UNC80: variants seen among roughly 807,000 people sequenced by gnomAD.
UNC80 encodes the protein protein unc-80 homolog.
In UNC80, 164 loss-of-function variants were observed where a neutral mutation model predicts 384.6. The observed-to-expected ratio is 0.43, with a 90% CI of 0.38 to 0.49. UNC80 has a LOEUF of 0.49. UNC80 is among the 20% of genes least tolerant of loss of function. UNC80 has a pLI of 0.00. For synonymous variants in UNC80, 1,486 were observed against 1,527.8 expected (o/e 0.97, Z 0.64); for missense variants, 3,330 against 4,143.0 (o/e 0.80, Z 5.39).
intron 3 of UNC80, among the ~76,000 whole-genome samples, 179 bp from the exon 4 acceptor site, chr2:209,777,079 A>G (rs908119166): frequency 5.9e-5 from 9 of 152,254 alleles, no homozygotes; most frequent in African/African-American, 1.9e-4. Flanking sequence ...CCATGGCAGC[A>G]TATCATTCTG....
At position 209,771,899 on chromosome 2, in the gene UNC80, A is replaced by C. The variant is rs2076593328; in HGVS notation, c.-174A>C. 1,099 of 491,018 alleles carry C rather than the reference A, an allele frequency of 2.2e-3. No individual in the cohort carries two copies. The highest frequency in any genetic ancestry group is 6.2e-3 in the East Asian group (124 of 19,864). 30.4% of individuals were successfully genotyped at this position (491,018 alleles called of 1,614,324 possible). A position where few individuals can be genotyped will look rare whatever the true frequency, so the allele number is the denominator to read the frequency against. On this transcript the variant is annotated 5_prime_UTR_variant, in exon 1 of 65. Transcript: ENST00000673920. ...TCCCCTCCTCCCGCAGCCATGTTCC[A>C]CGCGCGGGGAGGGGTGGGGGGAGGG... is the stretch of plus-strand genomic sequence containing the variant.
In UNC80 at chr2:209,813,707, C is replaced by T. The variant is rs2153827293; in HGVS notation, c.1066C>T (p.Leu356=). 6.4e-7 allele frequency: 1 copy of T among 1,551,766 alleles called. No homozygotes were observed. Among genetic ancestry groups the T allele is most frequent in the Admixed American group, 2.0e-5 (1 of 51,004 alleles). Residue 356 remains leucine (L), a synonymous_variant, in exon 8 of 65, where the codon CTA becomes TTA. Transcript: ENST00000673920. ...CACTCAGTGGTCTCTGATGTACTAT[C>T]TACAAAGGCTGCGACACATGTTGGA... ...EGTQWSLMYY[L]QRLRHMLEEK...
rs540157945 is a variant in UNC80, at chr2:209,777,964, C to T, written c.600+405C>T. Among the ~76,000 whole-genome samples the T allele has an allele frequency of 2.5e-4, 38 of 152,266 alleles. No individual in the cohort carries two copies. In the South Asian group the frequency reaches 7.0e-3, roughly 28 times the overall value. On this transcript the variant is annotated intron_variant, in intron 4 of 64. Transcript: ENST00000673920. ...GCTGATTGCTCTATTCTCCTTTCCC[C>T]GCTCTATTCCTGTCATAGTCCTCAA...
Position 209,837,666 on chromosome 2 carries a change from A to G in UNC80, c.3042-1556A>G, listed in dbSNP as rs190403741. ...GAGTATACCACCATATGGAAATCCC[A>G]TAATCTATTCAACTGTTTCCGTGGT... On this transcript the variant is annotated intron_variant, in intron 18 of 64. Transcript: ENST00000673920. 1.1e-3 allele frequency among the ~76,000 whole-genome samples: 165 copies of G among 152,316 alleles called. 1 individual carries two copies. The highest frequency in any genetic ancestry group is 3.6e-3 in the African/African-American group (150 of 41,590).
At chr2:209,987,331 T>A (rs776458920) in intron 61 of UNC80, among the ~76,000 whole-genome samples, 25 of 152,296 alleles carry the variant, frequency 1.6e-4, no homozygotes, top group Admixed American at 7.2e-4. Flanking sequence ...GCTAACTGGT[T>A]TCTTTTAGAT....
In UNC80 at chr2:209,917,218, C is replaced by A. The variant is rs375949709; in HGVS notation, c.5030-559C>A. On this transcript the variant is annotated intron_variant, in intron 31 of 64. Coordinates refer to ENST00000673920, the MANE Select transcript of UNC80 (RefSeq NM_001371986.1). ...GCTCATTATTCATTAGCTTTATAAC[C>A]TATCATGGAACCTGGCCTTTCACTT... Among the ~76,000 whole-genome samples the A allele has an allele frequency of 5.3e-5, 8 of 152,276 alleles. No homozygotes were observed. The South Asian group carries it at 1.7e-3, about 32-fold the overall frequency.
At chr2:209,900,136 T>C (rs1445610035) in intron 28 of UNC80, among the ~76,000 whole-genome samples, 2 of 152,240 alleles carry the variant, frequency 1.3e-5, no homozygotes, top group Non-Finnish European at 2.9e-5. Context: ...TCTTATGCAT[T>C]CAAATATGTA....
chr2:209,975,082 A>G (rs1295004896), intron 56 of UNC80, among the ~76,000 whole-genome samples: 1 of 152,202 alleles, frequency 6.6e-6, no homozygotes, highest in Non-Finnish European at 1.5e-5. Context: ...CATCCTAAAG[A>G]TGGTAAAGGC....
At chr2:209,914,541 T>A (rs13003637) in intron 31 of UNC80, among the ~76,000 whole-genome samples, 1 of 151,286 alleles carries the variant, frequency 6.6e-6, no homozygotes, top group African/African-American at 2.4e-5. Flanking sequence ...CTCTCTCCTA[T>A]GACCCGCCCC....
At chr2:209,972,462 A>T (rs1301141905) in intron 55 of UNC80, 138 bp downstream of exon 55, 12 of 1,244,346 alleles carry the variant, frequency 9.6e-6, no homozygotes, top group Non-Finnish European at 1.3e-5. Flanking sequence ...TCATCTTAGG[A>T]AATAAGAGTT....
chr2:209,956,654 T>C (rs374785275), intron 48 of UNC80, among the ~76,000 whole-genome samples: 1 of 152,236 alleles, frequency 6.6e-6, no homozygotes, highest in Non-Finnish European at 1.5e-5. Context: ...TATGTATACA[T>C]GTGCAGCGCA....
At chr2:209,827,205 CAT>C (rs1173223154) in intron 14 of UNC80, among the ~76,000 whole-genome samples, 16 of 152,182 alleles carry the variant, frequency 1.1e-4, no homozygotes, top group African/African-American at 3.9e-4. Context: ...CATCTTTGCA[CAT>C]GTGTATATGA....
intron 51 of UNC80, among the ~76,000 whole-genome samples, chr2:209,961,901 G>A (rs2092602970): frequency 6.6e-6 from 1 of 152,154 alleles, no homozygotes; most frequent in Non-Finnish European, 1.5e-5. Flanking sequence ...TCAGGATGAA[G>A]ACCCAAAAAT....
In UNC80 at chr2:209,984,917, A is replaced by G. The variant is rs752482319; in HGVS notation, c.9314+5A>G. 1.2e-5 allele frequency: 19 copies of G among 1,550,004 alleles called. No homozygotes were observed. The highest frequency in any genetic ancestry group is 6.9e-5 in the African/African-American group (5 of 72,784). ...CGCCGAGGGCAGCCTCTCTAGGTAC[A>G]GTGTCAATGCTACCTGTCTATTGGT... On this transcript the variant is annotated splice_donor_5th_base_variant and intron_variant, in intron 61 of 64. Coordinates refer to ENST00000673920, the MANE Select transcript of UNC80 (RefSeq NM_001371986.1).
chr2:209,781,188 C>T (rs1319150056), intron 4 of UNC80, among the ~76,000 whole-genome samples: 3 of 152,168 alleles, frequency 2.0e-5, no homozygotes, highest in Non-Finnish European at 1.5e-5. Context: ...TCTTCAATCT[C>T]TTATTCTTGC....
chr2:209,866,817 C>A (rs144204783), intron 22 of UNC80, among the ~76,000 whole-genome samples: 1 of 152,162 alleles, frequency 6.6e-6, no homozygotes, highest in African/African-American at 2.4e-5. Flanking sequence ...TGATACACTA[C>A]GATTCCAATC....
Position 209,872,777 on chromosome 2 carries a change from G to A in UNC80, c.3647G>A (p.Arg1216Lys). 6.4e-7 allele frequency: 1 copy of A among 1,551,476 alleles called. No homozygotes were observed. Among genetic ancestry groups the A allele is most frequent in the Admixed American group, 2.0e-5 (1 of 50,998 alleles). The change falls in exon 23 of 65, where the codon AGA (arginine) becomes AAA (lysine). Residue 1216 changes from arginine (R) to lysine (K), a missense_variant. This residue lies in a region of UNC80 where 801 missense variants were observed against 950.8 expected (regional missense o/e 0.84). Transcript: ENST00000673920. This position sits in a 1 kb window ranked among gnomAD's most constrained non-coding sequence, Gnocchi z 4.1. ...ALDLEAPVVA[R>K]AALFLECARF... The stretch of plus-strand genomic sequence containing the variant: ...ACACAGGAAGCCCCTGTGGTGGCCA[G>A]AGCAGCCTTGTTCCTGGAATGTGCT...
chr2:209,972,372 C>T (rs2092907983), intron 55 of UNC80, 48 bp downstream of exon 55: 1 of 1,539,450 alleles, frequency 6.5e-7, no homozygotes. Context: ...GTTGTGTTCT[C>T]TTAAATGTCA....
At position 209,939,671 on chromosome 2, in the gene UNC80, T is replaced by C. The variant is rs74526281; in HGVS notation, c.6646+19T>C. 7 of 1,523,134 alleles carry C rather than the reference T, an allele frequency of 4.6e-6. No individual in the cohort carries two copies. Among genetic ancestry groups the C allele is most frequent in the Non-Finnish European group, 6.2e-6 (7 of 1,131,838 alleles). The allele number at this position is 1,523,134 out of a possible 1,614,324, so 94.4% of individuals were successfully genotyped here. On this transcript the variant is annotated intron_variant, in intron 43 of 64. Coordinates refer to ENST00000673920, the MANE Select transcript of UNC80 (RefSeq NM_001371986.1). ...CCTCAAGGTATCAAACAAAGAAACA[T>C]TGCCTCTCTGGGGCTTTTTCTAACA... is the stretch of plus-strand genomic sequence containing the variant.
Sources: allele counts gnomAD v4.1 joint callset (sites outside exome capture counted in the v4.1 genomes callset), GRCh38; gene constraint gnomAD v4.1.1; regional missense constraint gnomAD v4.1.1; non-coding constraint Gnocchi (gnomAD v3.1); transcripts MANE v1.5; gene names NCBI Gene and HGNC (gene_info 2026-07-23, HGNC 2026-07-21).